RALGAPA1: variants seen among roughly 807,000 people sequenced by gnomAD.
RALGAPA1 encodes Ral GTPase activating protein catalytic subunit alpha 1.
RALGAPA1 carries 52 observed loss-of-function variants against 269.6 expected under a neutral mutation model. The ratio of observed to expected loss-of-function variants is 0.19; its 90% confidence interval spans 0.15 to 0.24. RALGAPA1 has a LOEUF of 0.24. Ranked by LOEUF, RALGAPA1 falls within the 10% of genes least tolerant of loss-of-function variation. The pLI is 1.00. For missense variants in RALGAPA1, 1,917 were observed against 3,013.9 expected (o/e 0.64, Z 8.52); for synonymous variants, 817 against 1,008.3 (o/e 0.81, Z 3.60).
intron 34 of RALGAPA1, among the ~76,000 whole-genome samples, chr14:35,626,775 C>T (rs189192523): frequency 5.3e-5 from 8 of 151,274 alleles, no homozygotes; most frequent in South Asian, 2.1e-4. Context: ...TGATTCAAAC[C>T]GGAAATAATC....
chr14:35,587,170 T>G (rs1379715981), intron 37 of RALGAPA1, among the ~76,000 whole-genome samples: 1 of 152,234 alleles, frequency 6.6e-6, no homozygotes, highest in Non-Finnish European at 1.5e-5. Flanking sequence ...GGGATTTAAC[T>G]TCTTCCTGGT....
Position 35,655,820 on chromosome 14 carries a change from C to A in RALGAPA1, c.5483G>T (p.Cys1828Phe). ...AGTTTTCTTTACCTTTAAGGAAACACAAATCACATTCAGAGCTTCCTTAAT... is the reference window on the plus strand; with the variant it reads ...AGTTTTCTTTACCTTTAAGGAAACAAAAATCACATTCAGAGCTTCCTTAAT... The part of the protein sequence containing the change: ...PQIKEALNVI[C>F]VSLKFTNKTV... Residue 1828 changes from cysteine to phenylalanine, a missense_variant, in exon 29 of 42, where the codon TGT (cysteine) becomes TTT (phenylalanine). Transcript: ENST00000680220. 6.2e-7 allele frequency: 1 copy of A among 1,612,892 alleles called. No individual in the cohort carries two copies. The highest frequency in any genetic ancestry group is 8.5e-7 in the Non-Finnish European group (1 of 1,179,470).
At chr14:35,647,034 T>C (rs555525487) in intron 31 of RALGAPA1, among the ~76,000 whole-genome samples, 77 of 152,326 alleles carry the variant, frequency 5.1e-4, no homozygotes, top group African/African-American at 1.8e-3. Flanking sequence ...TTGGCATCTA[T>C]CTGTCAATCA....
At chr14:35,780,512 G>A (rs1397738894) in intron 1 of RALGAPA1, among the ~76,000 whole-genome samples, 2 of 152,128 alleles carry the variant, frequency 1.3e-5, no homozygotes, top group African/African-American at 4.8e-5. Context: ...TGAAGACAAA[G>A]TATGTTATCT....
At chr14:35,578,417 A>T (rs1026396439) in intron 37 of RALGAPA1, among the ~76,000 whole-genome samples, 1 of 152,132 alleles carries the variant, frequency 6.6e-6, no homozygotes, top group Non-Finnish European at 1.5e-5. Flanking sequence ...TCTTTCCCCC[A>T]TCTTTCAGGC....
At chr14:35,722,729 T>C (rs1379940991) in intron 15 of RALGAPA1, among the ~76,000 whole-genome samples, 2 of 152,174 alleles carry the variant, frequency 1.3e-5, no homozygotes, top group Non-Finnish European at 2.9e-5. Context: ...ACATATTTCA[T>C]GTCTAGGGAA....
intron 12 of RALGAPA1, among the ~76,000 whole-genome samples, chr14:35,729,092 GA>G (rs77119709): frequency 6.1e-5 from 9 of 148,018 alleles, no homozygotes; most frequent in East Asian, 3.9e-4. Flanking sequence ...ATAATAAATT[GA>G]AAAAAAAATA....
intron 4 of RALGAPA1, among the ~76,000 whole-genome samples, chr14:35,770,202 A>T (rs2074511704): frequency 6.6e-6 from 1 of 152,202 alleles, no homozygotes; most frequent in Non-Finnish European, 1.5e-5. Flanking sequence ...ATGGAGAAAA[A>T]GCATTTGGCA....
At chr14:35,783,937 T>C (rs926914861) in intron 1 of RALGAPA1, among the ~76,000 whole-genome samples, 1 of 152,034 alleles carries the variant, frequency 6.6e-6, no homozygotes, top group African/African-American at 2.4e-5. Context: ...ATGGGAAAAT[T>C]TGAATCTTTG....
chr14:35,721,754 T>C lies in RALGAPA1; in HGVS notation c.2200A>G (p.Ser734Gly). 1.2e-6 allele frequency: 2 copies of C among 1,613,346 alleles called. No individual in the cohort carries two copies. The highest frequency in any genetic ancestry group is 1.7e-6 in the Non-Finnish European group (2 of 1,179,312). ...QPGQAPMRQR[S>G]ATTTGSPGTE... is the part of the protein sequence containing the mutation. ...CCTGGAGAACCAGTGGTTGTTGCAC[T>C]CCTCTGTCTCATTGGGGCTTGGCCA... Residue 734 changes from serine to glycine, a missense_variant, in exon 16 of 42, where the codon AGT (serine) becomes GGT (glycine). Ser to Gly is a moderately conservative substitution (Grantham distance 56). Transcript: ENST00000680220.
chr14:35,753,887 G>A (rs964666751), intron 7 of RALGAPA1, among the ~76,000 whole-genome samples: 3 of 152,004 alleles, frequency 2.0e-5, no homozygotes, highest in Admixed American at 6.6e-5. Context: ...TTGGTAACCC[G>A]CGTAATTACA....
rs746797013 is a variant in RALGAPA1, at chr14:35,725,085, A to G, written c.1805T>C (p.Leu602Pro). Residue 602 changes from leucine to proline, a missense_variant, in exon 14 of 42, where the codon CTA becomes CCA. By Grantham distance (98) the Leu-to-Pro change is moderately conservative (BLOSUM62 -3). Around this residue, in one of 11 missense-constraint regions of RALGAPA1, gnomAD observed 462 missense variants for 725.6 expected, o/e 0.64. Transcript: ENST00000680220. Reference protein sequence around the residue: ...SVLKMPSQAFLQFQGKKNMTL... With the variant: ...SVLKMPSQAFPQFQGKKNMTL... The stretch of plus-strand genomic sequence containing the variant: ...CATATTTTTTTTCCCTTGGAACTGT[A>G]GAAAAGCTTGTGATGGCATCTTCAG... The G allele has an allele frequency of 8.7e-6, 14 of 1,609,782 alleles. No homozygotes were observed. Among genetic ancestry groups the G allele is most frequent in the Non-Finnish European group, 1.0e-5 (12 of 1,177,698 alleles).
chr14:35,609,514 G>A (rs2059794019), intron 35 of RALGAPA1, among the ~76,000 whole-genome samples: 2 of 152,114 alleles, frequency 1.3e-5, no homozygotes, highest in African/African-American at 2.4e-5. Context: ...GTAAAGAAGT[G>A]CTCATTGGGA....
rs150869884 is a variant in RALGAPA1 at position 35,548,955 on chromosome 14, A to G, written c.7621+155T>C. Among the ~76,000 whole-genome samples, 443 of 152,336 alleles carry G rather than the reference A, an allele frequency of 2.9e-3. 2 individuals are homozygous for G. The highest frequency in any genetic ancestry group is 0.01 in the African/African-American group (428 of 41,590). On this transcript the variant is annotated intron_variant, in intron 40 of 41. Coordinates refer to ENST00000680220, the MANE Select transcript of RALGAPA1 (RefSeq NM_001346249.2). Reference sequence around the variant, plus strand: ...GAACTGCATTTAGGTAAAAGAAACCATAAATCAAATTTATAGGCCAAATTC... The same window carrying G: ...GAACTGCATTTAGGTAAAAGAAACCGTAAATCAAATTTATAGGCCAAATTC...
At chr14:35,686,760 G>T in intron 18 of RALGAPA1, 94 bp from the exon 19 acceptor site, 1 of 582,862 alleles carries the variant, frequency 1.7e-6, no homozygotes, top group Non-Finnish European at 2.8e-6. Flanking sequence ...AAGTACCTTT[G>T]CCAATTATTT....
Position 35,577,964 on chromosome 14 carries a change from C to T in RALGAPA1, c.7210-5246G>A, listed in dbSNP as rs528467656. On this transcript the variant is annotated intron_variant, in intron 37 of 41. Coordinates refer to ENST00000680220, the MANE Select transcript of RALGAPA1 (RefSeq NM_001346249.2). Reference sequence around the variant, plus strand: ...TACTTTCCTTCCTATTCCTCTACTGCTGTCCTAGATCACATGCTACTCATC... The same window carrying T: ...TACTTTCCTTCCTATTCCTCTACTGTTGTCCTAGATCACATGCTACTCATC... Among the ~76,000 whole-genome samples the T allele has an allele frequency of 2.2e-3, 339 of 152,254 alleles. 3 individuals are homozygous for T. The highest frequency in any genetic ancestry group is 3.9e-3 in the Non-Finnish European group (268 of 68,030).
rs1204911332 is a variant in RALGAPA1, at chr14:35,671,371, G to C, written c.5202+18C>G. ...TGGCTAAAGTTTGTTATATGATAAG[G>C]AACAGGAAATGACTTACATTGAGAA... On this transcript the variant is annotated intron_variant, in intron 26 of 41. Transcript: ENST00000680220. 4 of 1,591,570 alleles carry C rather than the reference G, an allele frequency of 2.5e-6. No homozygotes were observed. The South Asian group carries it at 3.4e-5, about 14-fold the overall frequency.
At chr14:35,670,982 G>GA (rs1566965153) in intron 26 of RALGAPA1, among the ~76,000 whole-genome samples, 3 of 151,364 alleles carry the variant, frequency 2.0e-5, no homozygotes, top group Non-Finnish European at 2.9e-5. Flanking sequence ...TTCTATGGTG[G>GA]ATGCCTTACC....
intron 39 of RALGAPA1, among the ~76,000 whole-genome samples, chr14:35,566,873 A>G (rs2056757486): frequency 6.9e-6 from 1 of 144,966 alleles, no homozygotes; most frequent in African/African-American, 2.6e-5. Flanking sequence ...TACATTATAT[A>G]TATATATATA....
Sources: allele counts gnomAD v4.1 joint callset (sites outside exome capture counted in the v4.1 genomes callset), GRCh38; gene constraint gnomAD v4.1.1; regional missense constraint gnomAD v4.1.1; transcripts MANE v1.5; gene names NCBI Gene and HGNC (gene_info 2026-07-23, HGNC 2026-07-21).